EBF4: variants seen among roughly 807,000 people sequenced by gnomAD.
The protein encoded by EBF4 is transcription factor COE4.
EBF4 carries 34 observed loss-of-function variants against 67.1 expected under a neutral mutation model. That is an observed-to-expected ratio of 0.51 (90% CI 0.39 to 0.67). The LOEUF (loss-of-function observed/expected upper bound fraction) is 0.67. Among genes scored for constraint, EBF4 ranks in the 30% least tolerant of loss-of-function variants. The pLI, the probability that EBF4 is intolerant of heterozygous loss-of-function variation, is 0.00. For missense variants in EBF4, 837 were observed against 873.3 expected, an observed-to-expected ratio of 0.96 and a Z score of 0.52; for synonymous variants, 387 against 377.7, an observed-to-expected ratio of 1.02 and a Z score of -0.29.
chr20:2,736,781 G>A (rs1019339008), intron 6 of EBF4, among the ~76,000 whole-genome samples: 1 of 152,062 alleles, frequency 6.6e-6, no homozygotes, highest in Admixed American at 6.5e-5. Flanking sequence ...AGAGAGATTC[G>A]CTCATGTGCT....
chr20:2,749,891 C>T, exon 10 of EBF4: 1 of 1,551,604 alleles, frequency 6.4e-7, no homozygotes, highest in South Asian at 1.2e-5. Flanking sequence ...CCCCGCGGCA[C>T]ATCCCCGGGG....
rs2146352963 is a variant in EBF4, at chr20:2,693,923, T to C, written c.137+141T>C. ...CCGGCGAGCTCCCCGGCCCACCCCGTCCGGAGTGCCTGTGCTGCCTCCTGA... is the reference window on the plus strand; with the variant it reads ...CCGGCGAGCTCCCCGGCCCACCCCGCCCGGAGTGCCTGTGCTGCCTCCTGA... On this transcript the variant is annotated intron_variant, in intron 1 of 16. Coordinates refer to ENST00000609451, the Ensembl canonical transcript of EBF4. The surrounding 1 kb of genome is among the most constrained non-coding windows in gnomAD (Gnocchi z 4.6). The C allele has an allele frequency of 8.9e-7, 1 of 1,126,582 alleles. No individual in the cohort carries two copies. The highest frequency in any genetic ancestry group is 1.1e-6 in the Non-Finnish European group (1 of 890,524). The allele number at this position is 1,126,582 out of a possible 1,614,324, so 69.8% of individuals were successfully genotyped here. A position where few individuals can be genotyped will look rare whatever the true frequency, so the allele number is the denominator to read the frequency against.
intron 6 of EBF4, among the ~76,000 whole-genome samples, chr20:2,721,486 G>A (rs770306864): frequency 8.6e-5 from 13 of 151,338 alleles, no homozygotes; most frequent in Admixed American, 2.0e-4. Flanking sequence ...ATGGAGTCTC[G>A]CTCTGTCACC....
In EBF4 at chr20:2,739,298, C is replaced by CGAGT. The variant is rs2087935203; in HGVS notation, c.558-9247_558-9244dup. The stretch of plus-strand genomic sequence containing the variant: ...CTCAGTCTTGTCAGGCACCACTGAT[C>CGAGT]GAGTGAGCCGTCTGCCCCGTGGTGG... On this transcript the variant is annotated intron_variant, in intron 6 of 16. Coordinates refer to ENST00000609451, the Ensembl canonical transcript of EBF4. This position sits in a 1 kb window ranked among gnomAD's most constrained non-coding sequence, Gnocchi z 4.5. Among the ~76,000 whole-genome samples, 1 of 152,004 alleles carries CGAGT rather than the reference C, an allele frequency of 6.6e-6. No homozygotes were observed.
At chr20:2,748,226 T>G (rs1437964323) in intron 6 of EBF4, among the ~76,000 whole-genome samples, 1 of 152,172 alleles carries the variant, frequency 6.6e-6, no homozygotes, top group African/African-American at 2.4e-5. Flanking sequence ...GTATAGGTAG[T>G]GTATATAATG....
intron 1 of EBF4, among the ~76,000 whole-genome samples, chr20:2,697,415 G>C (rs1356570369): frequency 6.6e-6 from 1 of 151,968 alleles, no homozygotes; most frequent in Non-Finnish European, 1.5e-5. Flanking sequence ...CGTGGTGGCG[G>C]GCGCCTGTAG....
At position 2,693,628 on chromosome 20, in the gene EBF4, C is replaced by G; in HGVS notation, c.-18C>G. ...CCGGATCCGGGGCGGCGGGGGCGCT[C>G]ACTCACCGCGCGCCCTCATGTTCCC... On this transcript the variant is annotated 5_prime_UTR_variant, in exon 1 of 17. Coordinates refer to ENST00000609451, the Ensembl canonical transcript of EBF4. This position sits in a 1 kb window ranked among gnomAD's most constrained non-coding sequence, Gnocchi z 4.6. 7.2e-7 allele frequency: 1 copy of G among 1,383,110 alleles called. No homozygotes were observed. The highest frequency in any genetic ancestry group is 9.3e-7 in the Non-Finnish European group (1 of 1,071,810). 85.7% of individuals were successfully genotyped at this position (1,383,110 alleles called of 1,614,324 possible). A position where few individuals can be genotyped will look rare whatever the true frequency, so the allele number is the denominator to read the frequency against.
intron 1 of EBF4, among the ~76,000 whole-genome samples, chr20:2,702,426 TC>T (rs1414896132): frequency 3.6e-5 from 5 of 137,628 alleles, no homozygotes; most frequent in African/African-American, 1.2e-4. Flanking sequence ...AGATCCTGTC[TC>T]AAAAAAAAAA....
At chr20:2,759,217 G>A (rs2088289844) in intron 16 of EBF4, 51 bp from the exon 17 acceptor site, 3 of 560,868 alleles carry the variant, frequency 5.3e-6, no homozygotes, top group Non-Finnish European at 9.5e-6. Context: ...CTGTCCCCTG[G>A]CAGCCAGCCT....
At chr20:2,710,444 C>G (rs117601073) in intron 6 of EBF4, among the ~76,000 whole-genome samples, 11,999 of 152,160 alleles carry the variant, frequency 0.079, 664 homozygotes, top group Admixed American at 0.13. Flanking sequence ...GCCACTGTGC[C>G]TGGCCTACTT....
intron 6 of EBF4, among the ~76,000 whole-genome samples, chr20:2,730,199 C>T (rs12480153): frequency 0.12 from 18,618 of 152,154 alleles, 1,325 homozygotes; most frequent in East Asian, 0.29. Flanking sequence ...AATTATCTCC[C>T]CATTCTGGAG....
rs1042648357 is a variant in EBF4, at chr20:2,701,312, G to A, written c.138-4265G>A. ...ATGCAAAGCAGGGCAGCCCCTCCATGCCCCCAGCTGGCAGGAGACACTGGC... is the reference window on the plus strand; with the variant it reads ...ATGCAAAGCAGGGCAGCCCCTCCATACCCCCAGCTGGCAGGAGACACTGGC... On this transcript the variant is annotated intron_variant, in intron 1 of 16. Transcript: ENST00000609451. 5.3e-5 allele frequency among the ~76,000 whole-genome samples: 8 copies of A among 152,202 alleles called. No individual in the cohort carries two copies. In the East Asian group the frequency reaches 9.6e-4, roughly 18 times the overall value.
At chr20:2,731,556 T>A (rs2087813369) in intron 6 of EBF4, among the ~76,000 whole-genome samples, 1 of 152,176 alleles carries the variant, frequency 6.6e-6, no homozygotes, top group Non-Finnish European at 1.5e-5. Flanking sequence ...TAAATGGGCA[T>A]CCCTCAACCT....
At position 2,707,821 on chromosome 20, in the gene EBF4, C is replaced by A; in HGVS notation, c.415-126C>A. The A allele has an allele frequency of 1.1e-6, 1 of 908,246 alleles. No individual in the cohort carries two copies. Among genetic ancestry groups the A allele is most frequent in the Non-Finnish European group, 1.6e-6 (1 of 622,318 alleles). The allele number at this position is 908,246 out of a possible 1,614,324, so 56.3% of individuals were successfully genotyped here. On this transcript the variant is annotated intron_variant, in intron 4 of 16. Coordinates refer to ENST00000609451, the Ensembl canonical transcript of EBF4. This position sits in a 1 kb window ranked among gnomAD's most constrained non-coding sequence, Gnocchi z 4.6. ...GGGCAGCCCAGAGCAAGGCAGAGGG[C>A]GTGCTCTTCCCTGGGGCAGGGTCTC...
In EBF4 at chr20:2,739,573, T is replaced by C. The variant is rs1394504560; in HGVS notation, c.558-8976T>C. Among the ~76,000 whole-genome samples the C allele has an allele frequency of 6.6e-6, 1 of 152,132 alleles. No homozygotes were observed. Among genetic ancestry groups the C allele is most frequent in the Non-Finnish European group, 1.5e-5 (1 of 68,026 alleles). On this transcript the variant is annotated intron_variant, in intron 6 of 16. Coordinates refer to ENST00000609451, the Ensembl canonical transcript of EBF4. This position sits in a 1 kb window ranked among gnomAD's most constrained non-coding sequence, Gnocchi z 4.5. The stretch of plus-strand genomic sequence containing the variant: ...ATACAATGCCGCAGTGCCTAACACA[T>C]AGAAGGTATTTAATAAATCTTTTTA...
intron 1 of EBF4, among the ~76,000 whole-genome samples, chr20:2,695,886 C>T (rs144967746): frequency 6.6e-6 from 1 of 152,306 alleles, no homozygotes; most frequent in East Asian, 1.9e-4. Flanking sequence ...ACACCTTCCT[C>T]AGCCTCACCC....
intron 1 of EBF4, among the ~76,000 whole-genome samples, chr20:2,698,189 C>A (rs1362976165): frequency 6.6e-6 from 1 of 152,144 alleles, no homozygotes; most frequent in Non-Finnish European, 1.5e-5. Flanking sequence ...GGACTTTGGT[C>A]ACTGTGCCAA....
In EBF4 at chr20:2,744,487, C is replaced by CTTTTTTTTTTTTTTTTTTTT. The variant is rs778840182; in HGVS notation, c.558-4058_558-4057insTTTTTTTTTTTTTTTTTTTT. Among the ~76,000 whole-genome samples the CTTTTTTTTTTTTTTTTTTTT allele has an allele frequency of 9.0e-5, 10 of 111,494 alleles. 1 individual carries two copies. Among genetic ancestry groups the CTTTTTTTTTTTTTTTTTTTT allele is most frequent in the South Asian group, 3.0e-4 (1 of 3,372 alleles). The allele number at this position is 111,494 out of a possible 152,430, so 73.1% of individuals were successfully genotyped here. A position where few individuals can be genotyped will look rare whatever the true frequency, so the allele number is the denominator to read the frequency against. ...TTTTTCTTTTCTTTTTTCTTTTTTT[C>CTTTTTTTTTTTTTTTTTTTT]TTTTCTTTTTTTTTTTTTTTTTGAG... is the stretch of plus-strand genomic sequence containing the variant. On this transcript the variant is annotated intron_variant, in intron 6 of 16. Coordinates refer to ENST00000609451, the Ensembl canonical transcript of EBF4.
intron 6 of EBF4, among the ~76,000 whole-genome samples, chr20:2,735,890 CATA>C (rs1281081199): frequency 6.6e-6 from 1 of 150,598 alleles, no homozygotes; most frequent in African/African-American, 2.5e-5. Flanking sequence ...TCTATAATTA[CATA>C]ATAATAAGAA....
Sources: allele counts gnomAD v4.1 joint callset (sites outside exome capture counted in the v4.1 genomes callset), GRCh38; gene constraint gnomAD v4.1.1; non-coding constraint Gnocchi (gnomAD v3.1); transcripts MANE v1.5; gene names NCBI Gene and HGNC (gene_info 2026-07-23, HGNC 2026-07-21).